Variants in UNC80 observed in about 807,000 individuals in gnomAD.
UNC80 encodes the protein unc-80 subunit of NALCN channel complex.
Under a neutral mutation model 384.6 loss-of-function variants are expected in UNC80, and 164 were observed. The observed-to-expected ratio is 0.43, with a 90% CI of 0.38 to 0.49. The LOEUF (loss-of-function observed/expected upper bound fraction) is 0.49, where lower values mean the gene tolerates loss of function less well. Ranked by LOEUF, UNC80 falls within the 20% of genes least tolerant of loss-of-function variation. The pLI is 0.00. For synonymous variants in UNC80, 1,486 were observed against 1,527.8 expected, an observed-to-expected ratio of 0.97 and a Z score of 0.64; for missense variants, 3,330 against 4,143.0, an observed-to-expected ratio of 0.80 and a Z score of 5.39.
rs1234072963 is a variant in UNC80 at position 209,995,401 on chromosome 2, C to CAGT, written c.9781_9782insAGT (p.Pro3261delinsGlnSer). On this transcript the variant is annotated protein_altering_variant, in exon 65 of 65. Transcript: ENST00000673920. ...AGCACAAGGTGCTACTGCACACAGT[C>CAGT]CACTCTCTGCCCAACTCTCTGACCC... 8 of 1,551,894 alleles carry CAGT rather than the reference C, an allele frequency of 5.2e-6. No homozygotes were observed. In the Admixed American group the frequency reaches 1.2e-4, roughly 23 times the overall value.
At position 209,973,237 on chromosome 2, in the gene UNC80, C is replaced by T; in HGVS notation, c.8554C>T (p.Leu2852=). The change falls in exon 56 of 65, where the codon CTG becomes TTG. Residue 2852 remains leucine, a synonymous_variant. Transcript: ENST00000673920. ...DAGKDLRREG[L]AESTSQAAYL... ...GGGGAAAGACTTGCGCAGGGAAGGG[C>T]TGGCTGAGTCCACCAGCCAAGCAGC... 1 of 1,551,684 alleles carries T rather than the reference C, an allele frequency of 6.4e-7. No homozygotes were observed. The highest frequency in any genetic ancestry group is 8.7e-7 in the Non-Finnish European group (1 of 1,146,992).
chr2:209,991,156 T>C (rs1181909029), intron 61 of UNC80, among the ~76,000 whole-genome samples: 1 of 152,236 alleles, frequency 6.6e-6, no homozygotes, highest in Non-Finnish European at 1.5e-5. Context: ...AGTTGCTGAC[T>C]CTGGATTCCT....
At chr2:209,984,781 C>A in intron 60 of UNC80, 75 bp from the exon 61 acceptor site, 2 of 1,375,308 alleles carry the variant, frequency 1.5e-6, no homozygotes, top group Non-Finnish European at 2.0e-6. Context: ...CAGAAAATTG[C>A]ATGCCTTTTT....
intron 20 of UNC80, among the ~76,000 whole-genome samples, chr2:209,841,828 G>A (rs546613402): frequency 4.6e-5 from 7 of 152,206 alleles, no homozygotes; most frequent in Admixed American, 6.5e-5. Flanking sequence ...CTTGCTGTGC[G>A]AAAAATTTTG....
intron 56 of UNC80, 146 bp from the exon 57 acceptor site, chr2:209,975,973 G>T: frequency 1.3e-6 from 1 of 787,988 alleles, no homozygotes; most frequent in Non-Finnish European, 1.9e-6. Context: ...ACTCTTGCTC[G>T]GGAATACATA....
At chr2:209,912,829 A>G (rs1040624264) in intron 30 of UNC80, among the ~76,000 whole-genome samples, 162 bp downstream of exon 30, 18 of 152,214 alleles carry the variant, frequency 1.2e-4, no homozygotes, top group Non-Finnish European at 2.2e-4. Context: ...GTGCCAGGAA[A>G]AAAGAAATCT....
chr2:209,799,937 A>G (rs2078430546), intron 7 of UNC80, among the ~76,000 whole-genome samples: 1 of 152,180 alleles, frequency 6.6e-6, no homozygotes, highest in Non-Finnish European at 1.5e-5. Context: ...GTCATGGTGG[A>G]CATCTTTTTT....
chr2:209,776,032 C>A lies in UNC80; in HGVS notation c.285C>A (p.Asn95Lys), dbSNP rs771047222. 6 of 1,614,060 alleles carry A rather than the reference C, an allele frequency of 3.7e-6. No individual in the cohort carries two copies. Among genetic ancestry groups the A allele is most frequent in the Non-Finnish European group, 5.1e-6 (6 of 1,179,960 alleles). ...ACTGCACTGCAACCCTGCTTTCAAA[C>A]CGAAACAAGCTAGGTTGGTGCCCCG... Reference protein sequence around the residue: ...VLHCTATLLSNRNKLGHQDKL... With the variant: ...VLHCTATLLSKRNKLGHQDKL... Residue 95 changes from asparagine to lysine, a missense_variant, in exon 3 of 65, where the codon AAC (asparagine) becomes AAA (lysine). Asn to Lys is a moderately conservative substitution (Grantham distance 94, BLOSUM62 0). This residue lies in a region of UNC80 where 86 missense variants were observed against 141.5 expected (regional missense o/e 0.61). Transcript: ENST00000673920.
intron 21 of UNC80, 58 bp from the exon 22 acceptor site, chr2:209,849,393 C>A: frequency 1.3e-6 from 2 of 1,532,134 alleles, no homozygotes; most frequent in Non-Finnish European, 1.8e-6. Context: ...TCTTTTTAAA[C>A]CTGTGATCCT....
intron 24 of UNC80, among the ~76,000 whole-genome samples, chr2:209,878,917 G>C (rs901702531): frequency 6.6e-6 from 1 of 152,150 alleles, no homozygotes; most frequent in Non-Finnish European, 1.5e-5. Context: ...AGATGATTCA[G>C]ACCTACTGCA....
intron 48 of UNC80, among the ~76,000 whole-genome samples, chr2:209,956,142 G>T (rs1041883096): frequency 2.0e-5 from 3 of 152,118 alleles, no homozygotes; most frequent in African/African-American, 7.2e-5. Flanking sequence ...CTTACTCGAA[G>T]TGTCACAAAG....
intron 2 of UNC80, 23 bp downstream of exon 2, chr2:209,773,165 T>G: frequency 6.2e-7 from 1 of 1,605,304 alleles, no homozygotes. Context: ...CACCATTTAA[T>G]AATTATTTCC....
intron 21 of UNC80, among the ~76,000 whole-genome samples, chr2:209,843,393 A>G (rs1173113008): frequency 1.3e-5 from 2 of 152,044 alleles, no homozygotes; most frequent in African/African-American, 2.4e-5. Context: ...GGTATACTTT[A>G]ATATAGCCAT....
At position 209,955,532 on chromosome 2, in the gene UNC80, C is replaced by T. The variant is rs576541608; in HGVS notation, c.7457+1262C>T. 4.4e-4 allele frequency among the ~76,000 whole-genome samples: 67 copies of T among 151,248 alleles called. 2 individuals are homozygous for T. In the South Asian group the frequency reaches 0.014, roughly 31 times the overall value. Reference sequence around the variant, plus strand: ...TTCCAAGGAGAAATAGTTTTCTATGCTATTGCTGATGGTTTCATGAAAGTC... The same window carrying T: ...TTCCAAGGAGAAATAGTTTTCTATGTTATTGCTGATGGTTTCATGAAAGTC... On this transcript the variant is annotated intron_variant, in intron 48 of 64. Coordinates refer to ENST00000673920, the MANE Select transcript of UNC80 (RefSeq NM_001371986.1).
At chr2:209,949,391 T>G (rs1347372153) in intron 47 of UNC80, among the ~76,000 whole-genome samples, 5 of 152,234 alleles carry the variant, frequency 3.3e-5, no homozygotes. Context: ...AAAGTCCTTG[T>G]CAGGCTATAG....
chr2:209,959,599 G>A lies in UNC80; in HGVS notation c.7697G>A (p.Cys2566Tyr). ...CCCCGGGAGTCCTTACTGAATATTTGCACTGAGTTCTATAAGCACTGTGGG... is the reference window on the plus strand; with the variant it reads ...CCCCGGGAGTCCTTACTGAATATTTACACTGAGTTCTATAAGCACTGTGGG... ...RRPRESLLNICTEFYKHCGPR... is the reference protein window; with the variant it reads ...RRPRESLLNIYTEFYKHCGPR... Residue 2566 changes from cysteine to tyrosine, a missense_variant, in exon 51 of 65, where the codon TGC becomes TAC. Cys to Tyr is a radical substitution (Grantham distance 194, BLOSUM62 -2). Transcript: ENST00000673920. 1 of 1,551,680 alleles carries A rather than the reference G, an allele frequency of 6.4e-7. No homozygotes were observed. The highest frequency in any genetic ancestry group is 8.7e-7 in the Non-Finnish European group (1 of 1,146,982).
rs71043955 is a variant in UNC80 at position 209,862,649 on chromosome 2, C to CTTTTTTTT, written c.3628-10097_3628-10090dup. ...TCAGAGACTAGGATTGCAACCTCTG[C>CTTTTTTTT]TTTTTTTTTTTTTTTTTTTGCTTTC... On this transcript the variant is annotated intron_variant, in intron 22 of 64. Coordinates refer to ENST00000673920, the MANE Select transcript of UNC80 (RefSeq NM_001371986.1). Among the ~76,000 whole-genome samples, 221 of 78,756 alleles carry CTTTTTTTT rather than the reference C, an allele frequency of 2.8e-3. 13 individuals carry two copies. Among genetic ancestry groups the CTTTTTTTT allele is most frequent in the African/African-American group, 0.012 (200 of 16,330 alleles). 51.7% of individuals were successfully genotyped at this position (78,756 alleles called of 152,430 possible).
At chr2:209,940,269 A>G (rs1393569229) in intron 43 of UNC80, among the ~76,000 whole-genome samples, 2 of 152,272 alleles carry the variant, frequency 1.3e-5, no homozygotes, top group East Asian at 3.9e-4. Context: ...AATTTCCTGG[A>G]AAGGGGCAGA....
In UNC80 at chr2:209,839,387, A is replaced by G; in HGVS notation, c.3207A>G (p.Arg1069=). 2 of 1,552,064 alleles carry G rather than the reference A, an allele frequency of 1.3e-6. No individual in the cohort carries two copies. Among genetic ancestry groups the G allele is most frequent in the Non-Finnish European group, 8.7e-7 (1 of 1,147,072 alleles). The change falls in exon 19 of 65, where the codon CGA becomes CGG. Residue 1069 remains arginine (R), a synonymous_variant. Transcript: ENST00000673920. This position sits in a 1 kb window ranked among gnomAD's most constrained non-coding sequence, Gnocchi z 4.1. ...CCTCTGACCGACGTGCCCGCTCACG[A>G]TCCCGCAGAATTTCCCTCCGAAAGA... is the stretch of plus-strand genomic sequence containing the variant. The part of the protein sequence containing the change: ...GTTSDRRARS[R]SRRISLRKKL...
Sources: gnomAD v4.1 joint callset for allele counts (sites outside exome capture counted in the v4.1 genomes callset) on GRCh38, gnomAD v4.1.1 for gene constraint, gnomAD v4.1.1 regional missense constraint, Gnocchi (gnomAD v3.1) non-coding constraint, MANE v1.5 for transcripts, NCBI Gene and HGNC (gene_info 2026-07-23, HGNC 2026-07-21) for gene names.